ZNF532: variants seen among roughly 807,000 people sequenced by gnomAD.
ZNF532 encodes zinc finger protein 532.
Under a neutral mutation model 89.3 loss-of-function variants are expected in ZNF532, and 22 were observed. The ratio of observed to expected loss-of-function variants is 0.25; its 90% CI spans 0.18 to 0.35. The LOEUF is 0.35. ZNF532 is among the 10% of genes least tolerant of loss of function. ZNF532 has a pLI of 1.00. For missense variants in ZNF532, 1,132 were observed against 1,643.4 expected, an observed-to-expected ratio of 0.69 and a Z score of 5.38; for synonymous variants, 606 against 649.6, an observed-to-expected ratio of 0.93 and a Z score of 1.02.
In ZNF532 at chr18:58,984,217, C is replaced by T. The variant is rs1462589155; in HGVS notation, c.3657C>T (p.Ser1219=). ...GCTACACGTCTCACGTCTCTCTGTC[C>T]AGGCACCTCTTCATCGTACACAAGT... ...GLCYTSHVSL[S]RHLFIVHKLK... Residue 1219 remains serine (S), a synonymous_variant, in exon 10 of 10, where the codon TCC becomes TCT. Transcript: ENST00000591808. The T allele has an allele frequency of 6.2e-7, 1 of 1,611,910 alleles. No individual in the cohort carries two copies. Among genetic ancestry groups the T allele is most frequent in the South Asian group, 1.1e-5 (1 of 90,986 alleles).
rs543566836 is a variant in ZNF532 at position 58,908,385 on chromosome 18, C to T, written c.-17-9886C>T. Among the ~76,000 whole-genome samples, 5 of 152,214 alleles carry T rather than the reference C, an allele frequency of 3.3e-5. No individual in the cohort carries two copies. The South Asian group carries it at 1.0e-3, about 32-fold the overall frequency. ...AACTGTATGGATAGGCTTTGTATGT[C>T]CTTGCTTATTAATAAATGACGAGAG... On this transcript the variant is annotated intron_variant, in intron 2 of 9. Coordinates refer to ENST00000591808, the MANE Select transcript of ZNF532 (RefSeq NM_001375912.1).
At chr18:58,897,341 T>G (rs1285252144) in intron 2 of ZNF532, among the ~76,000 whole-genome samples, 1 of 152,138 alleles carries the variant, frequency 6.6e-6, no homozygotes, top group Non-Finnish European at 1.5e-5. Flanking sequence ...TCTAAATGCA[T>G]TGAGGTTGGG....
In ZNF532 at chr18:58,865,381, A is replaced by G. The variant is rs1047254246; in HGVS notation, c.-132A>G. 15 of 152,548 alleles carry G rather than the reference A, an allele frequency of 9.8e-5. No homozygotes were observed. The highest frequency in any genetic ancestry group is 3.6e-4 in the African/African-American group (15 of 41,434). 9.4% of individuals were successfully genotyped at this position (152,548 alleles called of 1,614,324 possible). ...GATGCTTCTGACTATTATGAAGGCC[A>G]AAAGGTAACAATATCGTTCTAGGAA... is the stretch of plus-strand genomic sequence containing the variant. On this transcript the variant is annotated 5_prime_UTR_variant, in exon 1 of 10. Transcript: ENST00000591808.
intron 2 of ZNF532, among the ~76,000 whole-genome samples, chr18:58,888,697 T>TTATATA (rs71336305): frequency 3.2e-3 from 143 of 45,298 alleles, no homozygotes; most frequent in African/African-American, 5.0e-3. Flanking sequence ...AAAAAAAAAA[T>TTATATA]TATATATATA....
chr18:58,951,496 A>C (rs1273103542), intron 6 of ZNF532, among the ~76,000 whole-genome samples: 1 of 152,080 alleles, frequency 6.6e-6, no homozygotes, highest in African/African-American at 2.4e-5. Flanking sequence ...TTCTCTTTTG[A>C]CAAAGAGCAA....
intron 2 of ZNF532, chr18:58,896,542 T>G (rs2059262530): frequency 6.5e-6 from 1 of 152,722 alleles, no homozygotes; most frequent in African/African-American, 2.4e-5. Flanking sequence ...GCTTGGGATG[T>G]CTTCAGCCAT....
At chr18:58,879,829 T>A (rs2057744451) in intron 2 of ZNF532, among the ~76,000 whole-genome samples, 1 of 152,204 alleles carries the variant, frequency 6.6e-6, no homozygotes, top group South Asian at 2.1e-4. Context: ...CCTTACAGCC[T>A]TGAGCACAGA....
chr18:58,951,336 T>A (rs188468049), intron 6 of ZNF532, among the ~76,000 whole-genome samples: 3 of 152,228 alleles, frequency 2.0e-5, no homozygotes, highest in Non-Finnish European at 4.4e-5. Context: ...TTTAAGGTTA[T>A]CTTACAGAAG....
At chr18:58,894,068 G>A (rs1349401969) in intron 2 of ZNF532, among the ~76,000 whole-genome samples, 1 of 152,230 alleles carries the variant, frequency 6.6e-6, no homozygotes, top group African/African-American at 2.4e-5. Flanking sequence ...TAACTTTGTG[G>A]TAGATTGCTG....
chr18:58,897,768 C>G (rs2037397340), intron 2 of ZNF532, among the ~76,000 whole-genome samples: 1 of 152,170 alleles, frequency 6.6e-6, no homozygotes, highest in Non-Finnish European at 1.5e-5. Flanking sequence ...GCCTGGCCAA[C>G]ATGGCGAATC....
At chr18:58,977,075 T>G (rs890348432) in intron 7 of ZNF532, among the ~76,000 whole-genome samples, 6 of 152,176 alleles carry the variant, frequency 3.9e-5, no homozygotes, top group African/African-American at 1.2e-4. Flanking sequence ...TGTTCTCTCT[T>G]TCGTTGTTTC....
intron 6 of ZNF532, among the ~76,000 whole-genome samples, chr18:58,948,485 TA>T (rs1216766827): frequency 6.6e-6 from 1 of 151,876 alleles, no homozygotes; most frequent in East Asian, 1.9e-4. Context: ...TTTAAAAGAG[TA>T]AAAAAGTACT....
chr18:58,888,707 A>ATAT (rs2058486820), intron 2 of ZNF532, among the ~76,000 whole-genome samples: 1 of 49,726 alleles, frequency 2.0e-5, no homozygotes, highest in African/African-American at 1.1e-4. Context: ...TTATATATAT[A>ATAT]TATATATATA....
intron 5 of ZNF532, among the ~76,000 whole-genome samples, chr18:58,947,304 G>A (rs1449276118): frequency 6.6e-6 from 1 of 152,140 alleles, no homozygotes; most frequent in Non-Finnish European, 1.5e-5. Context: ...AAGACATCTC[G>A]TGCCCTCGTT....
intron 7 of ZNF532, among the ~76,000 whole-genome samples, chr18:58,978,458 T>C (rs1264913328): frequency 6.6e-6 from 1 of 152,164 alleles, no homozygotes; most frequent in Non-Finnish European, 1.5e-5. Flanking sequence ...ATATTATCTT[T>C]TCAGTAAAAG....
At chr18:58,923,183 G>A (rs17694867) in intron 3 of ZNF532, among the ~76,000 whole-genome samples, 18,953 of 151,960 alleles carry the variant, frequency 0.12, 1,651 homozygotes, top group Middle Eastern at 0.19. Context: ...ACTCACCTAT[G>A]TAGGCCACTC....
chr18:58,891,718 C>T (rs956517124), intron 2 of ZNF532, among the ~76,000 whole-genome samples: 1 of 152,156 alleles, frequency 6.6e-6, no homozygotes, highest in African/African-American at 2.4e-5. Context: ...CTGAGGATCT[C>T]TTAGAAAGTT....
chr18:58,919,985 G>C lies in ZNF532; in HGVS notation c.1698G>C (p.Lys566Asn). ...INAAASQPPK[K>N]VSRVQVVSSL... ...CAGCAGCCTCGCAACCCCCCAAAAA[G>C]GTGTCTCGAGTCCAGGTGGTGTCGT... Residue 566 changes from lysine to asparagine, a missense_variant, in exon 3 of 10, where the codon AAG becomes AAC. Lys to Asn is a moderately conservative substitution (Grantham distance 94). This residue lies in a region of ZNF532 where 97 missense variants were observed against 143.7 expected (regional missense o/e 0.68). Coordinates refer to ENST00000591808, the MANE Select transcript of ZNF532 (RefSeq NM_001375912.1). This position sits in a 1 kb window ranked among gnomAD's most constrained non-coding sequence, Gnocchi z 6.1. The C allele has an allele frequency of 6.2e-7, 1 of 1,613,666 alleles. No homozygotes were observed. Among genetic ancestry groups the C allele is most frequent in the South Asian group, 1.1e-5 (1 of 91,044 alleles).
At chr18:58,867,206 G>A (rs1001815046) in intron 2 of ZNF532, among the ~76,000 whole-genome samples, 1 of 151,894 alleles carries the variant, frequency 6.6e-6, no homozygotes, top group Non-Finnish European at 1.5e-5. Flanking sequence ...CCCTTGCCAC[G>A]GCTATACAGT....
Sources: allele counts gnomAD v4.1 joint callset (sites outside exome capture counted in the v4.1 genomes callset), GRCh38; gene constraint gnomAD v4.1.1; regional missense constraint gnomAD v4.1.1; non-coding constraint Gnocchi (gnomAD v3.1); transcripts MANE v1.5; gene names NCBI Gene and HGNC (gene_info 2026-07-23, HGNC 2026-07-21).